The following RP1 variants were observed in gnomAD, a reference collection of about 807,000 sequenced individuals.
RP1 encodes the protein oxygen-regulated protein 1.
In RP1, 16 loss-of-function variants were observed where a neutral mutation model predicts 14.8. That is an observed-to-expected ratio of 1.08 (90% CI 0.73 to 1.65). The LOEUF is 1.65. Ranked by LOEUF, RP1 falls within the 40% of genes most tolerant of loss-of-function variation. RP1 has a pLI of 0.00. For missense variants in RP1, 2,631 were observed against 2,535.0 expected, an observed-to-expected ratio of 1.04 and a Z score of -0.81; for synonymous variants, 876 against 883.6, an observed-to-expected ratio of 0.99 and a Z score of 0.15.
At chr8:54,751,307 G>A (rs1563365850) in intron 19 of RP1, among the ~76,000 whole-genome samples, 2 of 152,168 alleles carry the variant, frequency 1.3e-5, no homozygotes, top group Non-Finnish European at 2.9e-5. Flanking sequence ...TTGCAAATGA[G>A]GGCCTGAAGA....
At chr8:54,569,854 C>T (rs1478092700) in intron 1 of RP1, among the ~76,000 whole-genome samples, 1 of 152,098 alleles carries the variant, frequency 6.6e-6, no homozygotes, top group Non-Finnish European at 1.5e-5. Context: ...AGAAAGAAGC[C>T]CAGTCATAGG....
intron 22 of RP1, among the ~76,000 whole-genome samples, chr8:54,764,584 A>G (rs948055396): frequency 5.3e-5 from 8 of 152,186 alleles, no homozygotes; most frequent in Admixed American, 1.3e-4. Flanking sequence ...CTACTCCTCT[A>G]GTTCAGTACA....
rs747840454 is a variant in RP1, at chr8:54,628,060, T to C, written c.4178T>C (p.Val1393Ala). 6.2e-7 allele frequency: 1 copy of C among 1,614,052 alleles called. No individual in the cohort carries two copies. The highest frequency in any genetic ancestry group is 8.5e-7 in the Non-Finnish European group (1 of 1,179,948). ...GFNTLVSHQN[V>A]SNLSSCGLCL... ...AATACATTGGTGTCACATCAAAATG[T>C]CAGTAATTTAAGCTCCTGTGGCCTT... The change falls in exon 4 of 4, where the codon GTC becomes GCC. Residue 1393 changes from valine (V) to alanine (A), a missense_variant. Transcript: ENST00000220676.
At chr8:54,810,729 T>C (rs898600414) in intron 24 of RP1, among the ~76,000 whole-genome samples, 3 of 152,236 alleles carry the variant, frequency 2.0e-5, no homozygotes, top group African/African-American at 4.8e-5. Flanking sequence ...TGCTGTTTAA[T>C]GTTGTTCCTG....
At chr8:54,865,863 T>G in exon 28 of RP1, 2 of 1,229,254 alleles carry the variant, frequency 1.6e-6, no homozygotes, top group Non-Finnish European at 2.0e-6. Flanking sequence ...GGAGTATTGT[T>G]GTTAAGTCTG....
intron 7 of RP1, among the ~76,000 whole-genome samples, chr8:54,665,216 T>G (rs1806991392): frequency 6.6e-6 from 1 of 152,186 alleles, no homozygotes; most frequent in South Asian, 2.1e-4. Flanking sequence ...TGTTCTTTTG[T>G]TTGGGACATA....
upstream of RP1, chr8:54,616,017 A>C (rs1451855797): frequency 6.6e-6 from 1 of 152,196 alleles, no homozygotes; most frequent in Non-Finnish European, 1.5e-5. Flanking sequence ...CTGTCTGGTG[A>C]TTAGCATCAC....
At chr8:54,826,164 A>G (rs1055152436) in intron 24 of RP1, among the ~76,000 whole-genome samples, 2 of 152,220 alleles carry the variant, frequency 1.3e-5, no homozygotes, top group Admixed American at 6.5e-5. Context: ...TCAGGTTTAA[A>G]ACACGTGGGA....
chr8:54,643,906 T>C (rs934443757), intron 3 of RP1, among the ~76,000 whole-genome samples: 1 of 152,144 alleles, frequency 6.6e-6, no homozygotes, highest in Non-Finnish European at 1.5e-5. Flanking sequence ...ATAATTCACA[T>C]CCTTAAGTGC....
rs201613551 is a variant in RP1, at chr8:54,626,819, C to T, written c.2937C>T (p.Ala979=). Residue 979 remains alanine (A), a synonymous_variant, in exon 4 of 4, where the codon GCC becomes GCT. Transcript: ENST00000220676. ...GTAATAAGCACATAACTAAAATTGC[C>T]GGTTTGACAGGAGATAATCTATGTA... ...MESNKHITKI[A]GLTGDNLCKE... The T allele has an allele frequency of 1.8e-5, 29 of 1,613,618 alleles. No individual in the cohort carries two copies. The highest frequency in any genetic ancestry group is 1.6e-4 in the East Asian group (7 of 44,844).
downstream of RP1, among the ~76,000 whole-genome samples, chr8:54,770,926 A>C (rs1447670333): frequency 2.5e-4 from 38 of 152,104 alleles, no homozygotes; most frequent in Admixed American, 2.5e-3. Flanking sequence ...GAAATGGATA[A>C]ATACTGTTTA....
chr8:54,648,779 T>G (rs572879359), intron 3 of RP1, among the ~76,000 whole-genome samples: 5 of 152,302 alleles, frequency 3.3e-5, no homozygotes, highest in Non-Finnish European at 7.4e-5. Flanking sequence ...TTTGGAAATA[T>G]TCTCACTGTC....
intron 1 of RP1, among the ~76,000 whole-genome samples, chr8:54,610,374 C>T (rs551656361): frequency 6.6e-6 from 1 of 152,256 alleles, no homozygotes; most frequent in African/African-American, 2.4e-5. Flanking sequence ...TGCACCAATT[C>T]TCTTCTCTAT....
intron 12 of RP1, among the ~76,000 whole-genome samples, chr8:54,690,711 C>A (rs1278475456): frequency 6.6e-6 from 1 of 151,908 alleles, no homozygotes; most frequent in Admixed American, 6.6e-5. Flanking sequence ...AGTGTAGCAC[C>A]TTTACTGAGC....
In RP1 at chr8:54,628,662, T is replaced by C. The variant is rs1020163542; in HGVS notation, c.4780T>C (p.Tyr1594His). The C allele has an allele frequency of 1.4e-5, 23 of 1,613,966 alleles. No homozygotes were observed. The highest frequency in any genetic ancestry group is 8.3e-5 in the Admixed American group (5 of 59,994). Reference sequence around the variant, plus strand: ...TCCAGTGACTTCTGATTGGTCAGACTATCGGCCTGACAGTGACAGTGAGCA... The same window carrying C: ...TCCAGTGACTTCTGATTGGTCAGACCATCGGCCTGACAGTGACAGTGAGCA... ...KSPVTSDWSD[Y>H]RPDSDSEQPY... The change falls in exon 4 of 4, where the codon TAT becomes CAT. Residue 1594 changes from tyrosine (Y) to histidine (H), a missense_variant. Physicochemically the swap from Tyr to His is moderately conservative, Grantham distance 83. Transcript: ENST00000220676.
At chr8:54,637,284 G>C (rs1389624605) in intron 3 of RP1, among the ~76,000 whole-genome samples, 1 of 152,170 alleles carries the variant, frequency 6.6e-6, no homozygotes, top group Non-Finnish European at 1.5e-5. Flanking sequence ...GAGTGGGTTA[G>C]GAAAGGGGTC....
intron 1 of RP1, among the ~76,000 whole-genome samples, chr8:54,569,179 A>G (rs928503454): frequency 1.2e-4 from 18 of 152,316 alleles, no homozygotes; most frequent in African/African-American, 4.1e-4. Context: ...GTCAGTCAGA[A>G]GTGGGGAGCA....
chr8:54,635,207 G>T (rs1326299238), downstream of RP1, among the ~76,000 whole-genome samples: 3 of 151,604 alleles, frequency 2.0e-5, no homozygotes, highest in African/African-American at 7.3e-5. Flanking sequence ...TTTACTTTTT[G>T]ATTCATACAC....
intron 1 of RP1, among the ~76,000 whole-genome samples, chr8:54,596,811 T>G (rs896726813): frequency 1.3e-5 from 2 of 152,222 alleles, no homozygotes; most frequent in African/African-American, 4.8e-5. Flanking sequence ...CCCATCTCCT[T>G]GCCTTCTACA....
Sources: gnomAD v4.1 joint callset for allele counts (sites outside exome capture counted in the v4.1 genomes callset) on GRCh38, gnomAD v4.1.1 for gene constraint, MANE v1.5 for transcripts, NCBI Gene and HGNC (gene_info 2026-07-23, HGNC 2026-07-21) for gene names.